Variants in WIPI2 observed in about 807,000 individuals in gnomAD.
WIPI2 encodes the protein WD repeat domain, phosphoinositide interacting 2, also known as WD repeat domain phosphoinositide-interacting protein 2.
A neutral mutation model predicts 52.3 loss-of-function variants in WIPI2; 28 were observed. That is an observed-to-expected ratio of 0.54 (90% CI 0.40 to 0.73). The LOEUF (loss-of-function observed/expected upper bound fraction) is 0.73. Ranked by LOEUF, WIPI2 falls within the 30% of genes least tolerant of loss-of-function variation. The pLI is 0.00. For missense variants in WIPI2, 506 were observed against 602.9 expected, an observed-to-expected ratio of 0.84 and a Z score of 1.68; for synonymous variants, 268 against 245.0, an observed-to-expected ratio of 1.09 and a Z score of -0.88.
At chr7:5,221,357 C>T (rs1354632151) in intron 7 of WIPI2, among the ~76,000 whole-genome samples, 1 of 152,138 alleles carries the variant, frequency 6.6e-6, no homozygotes, top group Non-Finnish European at 1.5e-5. Context: ...GATCTGCCCA[C>T]CTTGACCTTC....
chr7:5,204,432 G>A (rs866867716), intron 3 of WIPI2, among the ~76,000 whole-genome samples: 2 of 152,048 alleles, frequency 1.3e-5, no homozygotes, highest in Admixed American at 6.6e-5. Context: ...GTGCCACTGC[G>A]CTCCAGCTTG....
intron 7 of WIPI2, among the ~76,000 whole-genome samples, chr7:5,219,765 C>G (rs1162811830): frequency 6.6e-6 from 1 of 151,966 alleles, no homozygotes; most frequent in African/African-American, 2.4e-5. Context: ...AGTTCATTCT[C>G]TAATTCTCAA....
At chr7:5,204,101 C>T (rs1207395725) in intron 3 of WIPI2, among the ~76,000 whole-genome samples, 1 of 152,150 alleles carries the variant, frequency 6.6e-6, no homozygotes, top group African/African-American at 2.4e-5. Context: ...AGGGCTGAGC[C>T]AGGTTTGTAC....
chr7:5,207,834 C>T (rs1425327895), intron 3 of WIPI2, among the ~76,000 whole-genome samples: 3 of 140,396 alleles, frequency 2.1e-5, no homozygotes, highest in Admixed American at 7.8e-5. Context: ...GGCACAATCT[C>T]GGCTCACTGC....
At position 5,197,118 on chromosome 7, in the gene WIPI2, C is replaced by CAAA. The variant is rs869261081; in HGVS notation, c.129-2432_129-2430dup. Among the ~76,000 whole-genome samples the CAAA allele has an allele frequency of 2.1e-3, 89 of 41,440 alleles. 3 individuals carry two copies. Among genetic ancestry groups the CAAA allele is most frequent in the African/African-American group, 6.4e-3 (84 of 13,076 alleles). 27.2% of individuals were successfully genotyped at this position (41,440 alleles called of 152,430 possible). On this transcript the variant is annotated intron_variant, in intron 2 of 12. Coordinates refer to ENST00000288828, the MANE Select transcript of WIPI2 (RefSeq NM_015610.4). The stretch of plus-strand genomic sequence containing the variant: ...CAGAGCGGGACTCCGTCTCAAAAAA[C>CAAA]AAAAAAAAAAAAAAAAAAAAAAAAA...
chr7:5,226,891 C>T (rs1046665256), intron 9 of WIPI2: 31 of 407,384 alleles, frequency 7.6e-5, no homozygotes, highest in Non-Finnish European at 1.1e-4. Context: ...CCTAGACGTC[C>T]TCACACCCTT....
intron 9 of WIPI2, chr7:5,226,244 G>C: frequency 3.1e-6 from 1 of 321,544 alleles, no homozygotes; most frequent in South Asian, 3.8e-5. Context: ...CGACAAAAGC[G>C]TTTGTGATCA....
intron 3 of WIPI2, among the ~76,000 whole-genome samples, chr7:5,206,806 G>C (rs1782317740): frequency 6.6e-6 from 1 of 152,072 alleles, no homozygotes; most frequent in Non-Finnish European, 1.5e-5. Context: ...ATCTAGCTCT[G>C]TCACCCAGGC....
At chr7:5,219,913 G>C (rs1249578784) in intron 7 of WIPI2, among the ~76,000 whole-genome samples, 1 of 149,302 alleles carries the variant, frequency 6.7e-6, no homozygotes. Flanking sequence ...TCTGCTCTAT[G>C]CAACCTCCAT....
At chr7:5,207,345 C>CA (rs1467037627) in intron 3 of WIPI2, among the ~76,000 whole-genome samples, 1 of 152,222 alleles carries the variant, frequency 6.6e-6, no homozygotes, top group Non-Finnish European at 1.5e-5. Flanking sequence ...CCCCAAGAGG[C>CA]AACCAGTGTT....
chr7:5,218,012 A>T lies in WIPI2; in HGVS notation c.667A>T (p.Lys223Ter). The T allele has an allele frequency of 6.2e-7, 1 of 1,614,106 alleles. No individual in the cohort carries two copies. Among genetic ancestry groups the T allele is most frequent in the Non-Finnish European group, 8.5e-7 (1 of 1,179,990 alleles). ...SGTKLATASE[K>*]GTVIRVFSIP... ...AACTAAACTTGCCACGGCTTCGGAG[A>T]AGGTGAGTCTGCTTTTCCCCGGGGG... Residue 223 changes from lysine to a stop codon, truncating the protein, a stop_gained and splice_region_variant, in exon 7 of 13, where the codon AAG (lysine) becomes TAG (stop). Coordinates refer to ENST00000288828, the MANE Select transcript of WIPI2 (RefSeq NM_015610.4). LOFTEE classifies it high-confidence loss of function.
chr7:5,216,643 G>A lies in WIPI2; in HGVS notation c.462G>A (p.Thr154=), dbSNP rs769371055. Residue 154 remains threonine (T), a synonymous_variant, in exon 5 of 13, where the codon ACG becomes ACA. Transcript: ENST00000288828. The part of the protein sequence containing the change: ...DMKVLHTIRE[T]PPNPAGLCAL... Reference sequence around the variant, plus strand: ...AGGTGCTGCATACGATCAGGGAGACGCCTCCAAACCCTGCAGGTGAGCTAA... The same window carrying A: ...AGGTGCTGCATACGATCAGGGAGACACCTCCAAACCCTGCAGGTGAGCTAA... 18 of 1,614,046 alleles carry A rather than the reference G, an allele frequency of 1.1e-5. No homozygotes were observed. The highest frequency in any genetic ancestry group is 4.0e-5 in the African/African-American group (3 of 74,924).
rs368460125 is a variant in WIPI2 at position 5,207,685 on chromosome 7, C to G, written c.212-6850C>G. On this transcript the variant is annotated intron_variant, in intron 3 of 12. Coordinates refer to ENST00000288828, the MANE Select transcript of WIPI2 (RefSeq NM_015610.4). ...TGTGTTTAGTTTTGTAAGAAACCCC[C>G]ATAACCTTCTCCTAAGTGACTATAC... Among the ~76,000 whole-genome samples, 3 of 151,706 alleles carry G rather than the reference C, an allele frequency of 2.0e-5. No individual in the cohort carries two copies. In the South Asian group the frequency reaches 6.2e-4, roughly 31 times the overall value.
At chr7:5,203,411 C>G (rs982140268) in intron 3 of WIPI2, among the ~76,000 whole-genome samples, 7 of 152,262 alleles carry the variant, frequency 4.6e-5, no homozygotes, top group African/African-American at 1.7e-4. Context: ...CCTTCCCACT[C>G]CAGAGCTTCA....
At chr7:5,200,071 C>T (rs1469616477) in intron 3 of WIPI2, among the ~76,000 whole-genome samples, 2 of 152,208 alleles carry the variant, frequency 1.3e-5, no homozygotes, top group Non-Finnish European at 2.9e-5. Flanking sequence ...ATTGAAGTGG[C>T]CCGCGTGTCG....
At chr7:5,211,094 A>T (rs1782537869) in intron 3 of WIPI2, among the ~76,000 whole-genome samples, 1 of 152,226 alleles carries the variant, frequency 6.6e-6, no homozygotes, top group Non-Finnish European at 1.5e-5. Context: ...CAGGAAAAGG[A>T]CAGTTGTTTT....
chr7:5,232,101 C>T lies in WIPI2; in HGVS notation c.*1154C>T. On this transcript the variant is annotated 3_prime_UTR_variant, in exon 13 of 13. Coordinates refer to ENST00000288828, the MANE Select transcript of WIPI2 (RefSeq NM_015610.4). The stretch of plus-strand genomic sequence containing the variant: ...AGACTCTGCATTCCAAACCAAGGCA[C>T]CCAGCAGCCAAAGTGTCGAGGGCAT... 2.5e-6 allele frequency: 1 copy of T among 398,834 alleles called. No individual in the cohort carries two copies. The highest frequency in any genetic ancestry group is 4.4e-6 in the Non-Finnish European group (1 of 226,078). The allele number at this position is 398,834 out of a possible 1,614,324, so 24.7% of individuals were successfully genotyped here.
At chr7:5,221,942 C>T (rs1225563817) in intron 7 of WIPI2, among the ~76,000 whole-genome samples, 1 of 141,666 alleles carries the variant, frequency 7.1e-6, no homozygotes, top group African/African-American at 2.7e-5. Flanking sequence ...CACACAAATC[C>T]AGGCTTTTAT....
chr7:5,213,565 C>T (rs192481140), intron 3 of WIPI2, among the ~76,000 whole-genome samples: 70 of 152,340 alleles, frequency 4.6e-4, no homozygotes, highest in African/African-American at 1.6e-3. Context: ...AGGTCTGTAG[C>T]CAGGAGCCAC....
Sources: allele counts gnomAD v4.1 joint callset (sites outside exome capture counted in the v4.1 genomes callset), GRCh38; gene constraint gnomAD v4.1.1; transcripts MANE v1.5; gene names NCBI Gene and HGNC (gene_info 2026-07-23, HGNC 2026-07-21).